GALNT13: variants seen among roughly 807,000 people sequenced by gnomAD.
GALNT13 encodes polypeptide N-acetylgalactosaminyltransferase 13.
A neutral mutation model predicts 64.2 loss-of-function variants in GALNT13; 28 were observed. That is an observed-to-expected ratio of 0.44 (90% CI 0.32 to 0.60). The LOEUF is 0.60. GALNT13 is among the 20% of genes least tolerant of loss of function. The probability of loss-of-function intolerance (pLI) is 0.05; values close to 1 mark genes in which losing one functional copy is unlikely to be tolerated. For synonymous variants in GALNT13, 214 were observed against 224.6 expected (o/e 0.95, Z 0.42); for missense variants, 577 against 669.8 (o/e 0.86, Z 1.53).
chr2:153,391,447 C>G, the GALNT13 span, among the ~76,000 whole-genome samples: 13 of 152,082 alleles, frequency 8.5e-5, no homozygotes, highest in African/African-American at 2.4e-4. Flanking sequence ...ATAGCTGTGA[C>G]TAACCACTTG....
At chr2:153,927,865 A>C (rs935032685) in intron 2 of GALNT13, among the ~76,000 whole-genome samples, 1 of 152,062 alleles carries the variant, frequency 6.6e-6, no homozygotes, top group Non-Finnish European at 1.5e-5. Flanking sequence ...AGACTATTTC[A>C]CCTATTAATA....
At chr2:153,595,489 T>A in the GALNT13 span, among the ~76,000 whole-genome samples, 2 of 151,982 alleles carry the variant, frequency 1.3e-5, no homozygotes, top group Non-Finnish European at 2.9e-5. Flanking sequence ...ATAAGGAAGA[T>A]CTTTAAAAAT....
At chr2:154,083,833 G>C (rs1404939507) in intron 3 of GALNT13, among the ~76,000 whole-genome samples, 1 of 151,866 alleles carries the variant, frequency 6.6e-6, no homozygotes, top group African/African-American at 2.4e-5. Context: ...TTTAAAGAAA[G>C]TAATGGTTTG....
At chr2:154,168,213 A>G (rs1265271286) in intron 4 of GALNT13, among the ~76,000 whole-genome samples, 4 of 152,182 alleles carry the variant, frequency 2.6e-5, no homozygotes, top group Non-Finnish European at 2.9e-5. Flanking sequence ...ACATGATCAT[A>G]GAGGCCGACA....
At chr2:153,503,548 C>A in the GALNT13 span, among the ~76,000 whole-genome samples, 1 of 152,140 alleles carries the variant, frequency 6.6e-6, no homozygotes, top group Non-Finnish European at 1.5e-5. Flanking sequence ...TCAAGCTATT[C>A]TTGTGCCTCC....
At chr2:153,175,118 GA>G in the GALNT13 span, among the ~76,000 whole-genome samples, 1 of 152,210 alleles carries the variant, frequency 6.6e-6, no homozygotes, top group Admixed American at 6.5e-5. Flanking sequence ...AATTGAAATT[GA>G]GTCTAGGGAA....
chr2:153,301,520 A>G, the GALNT13 span, among the ~76,000 whole-genome samples: 1 of 152,046 alleles, frequency 6.6e-6, no homozygotes, highest in African/African-American at 2.4e-5. Flanking sequence ...ATTACCTTAT[A>G]TATTTATTAT....
chr2:154,029,456 C>T (rs1255676082), intron 3 of GALNT13, among the ~76,000 whole-genome samples: 1 of 152,068 alleles, frequency 6.6e-6, no homozygotes, highest in Admixed American at 6.6e-5. Context: ...ATCCTCAACA[C>T]AAGAGAATAC....
chr2:154,433,376 A>G (rs1335733404), intron 11 of GALNT13, among the ~76,000 whole-genome samples: 1 of 152,180 alleles, frequency 6.6e-6, no homozygotes, highest in Non-Finnish European at 1.5e-5. Flanking sequence ...AGAAAATCCA[A>G]ATGGTCTCAG....
the GALNT13 span, among the ~76,000 whole-genome samples, chr2:153,136,848 CCA>C: frequency 0.3 from 44,407 of 148,318 alleles, 6,683 homozygotes; most frequent in Middle Eastern, 0.34. Flanking sequence ...GGTGTTTGCA[CCA>C]CACACACACA....
At chr2:153,468,234 T>A in the GALNT13 span, among the ~76,000 whole-genome samples, 1 of 152,092 alleles carries the variant, frequency 6.6e-6, no homozygotes, top group Non-Finnish European at 1.5e-5. Flanking sequence ...TTACATTTTC[T>A]TTCTTTCTCT....
chr2:153,086,460 C>G, the GALNT13 span, among the ~76,000 whole-genome samples: 7 of 152,052 alleles, frequency 4.6e-5, no homozygotes, highest in Non-Finnish European at 1.0e-4. Context: ...CTGTTTTTCC[C>G]ATACTGTTCT....
the GALNT13 span, among the ~76,000 whole-genome samples, chr2:153,276,664 A>G: frequency 6.6e-6 from 1 of 151,434 alleles, no homozygotes; most frequent in African/African-American, 2.4e-5. Context: ...CTGATGACTA[A>G]GTTGAGTACC....
the GALNT13 span, among the ~76,000 whole-genome samples, chr2:153,517,721 TCAC>T: frequency 6.6e-6 from 1 of 152,140 alleles, no homozygotes; most frequent in Non-Finnish European, 1.5e-5. Context: ...AAATAGAGAA[TCAC>T]CATTAGGCAG....
chr2:154,184,557 G>A (rs545102438), intron 4 of GALNT13, among the ~76,000 whole-genome samples: 3 of 151,350 alleles, frequency 2.0e-5, no homozygotes, highest in South Asian at 4.2e-4. Flanking sequence ...TTTCCTCTTT[G>A]TGATTATCAT....
At chr2:153,652,882 A>C in the GALNT13 span, among the ~76,000 whole-genome samples, 1 of 152,160 alleles carries the variant, frequency 6.6e-6, no homozygotes, top group African/African-American at 2.4e-5. Flanking sequence ...AAGTTCATAG[A>C]AAATATAAAA....
At chr2:154,126,488 A>C (rs1682271600) in intron 3 of GALNT13, among the ~76,000 whole-genome samples, 2 of 151,930 alleles carry the variant, frequency 1.3e-5, no homozygotes, top group Non-Finnish European at 2.9e-5. Flanking sequence ...ACAAAAAATC[A>C]GCTGGGCGTG....
At chr2:153,807,025 C>T in the GALNT13 span, among the ~76,000 whole-genome samples, 7 of 151,938 alleles carry the variant, frequency 4.6e-5, no homozygotes, top group African/African-American at 1.4e-4. Flanking sequence ...AATAGGGTTT[C>T]GGAGGTAGCT....
chr2:153,937,695 CT>C (rs1465905301), intron 2 of GALNT13, among the ~76,000 whole-genome samples: 1 of 152,146 alleles, frequency 6.6e-6, no homozygotes, highest in Non-Finnish European at 1.5e-5. Flanking sequence ...GCTGCTTGGT[CT>C]ATAGTTGTAG....
Sources: gnomAD v4.1 joint callset for allele counts (sites outside exome capture counted in the v4.1 genomes callset) on GRCh38, gnomAD v4.1.1 for gene constraint, MANE v1.5 for transcripts, NCBI Gene and HGNC (gene_info 2026-07-23, HGNC 2026-07-21) for gene names.